The following CNTNAP5 variants were observed in gnomAD, a reference collection of about 807,000 sequenced individuals.
CNTNAP5 encodes contactin associated protein family member 5, also known as contactin-associated protein-like 5.
CNTNAP5 carries 72 observed loss-of-function variants against 150.2 expected under a neutral mutation model. The ratio of observed to expected loss-of-function variants is 0.48; its 90% CI spans 0.40 to 0.58. The LOEUF (loss-of-function observed/expected upper bound fraction) is 0.58, where lower values mean the gene tolerates loss of function less well. Ranked by LOEUF, CNTNAP5 falls within the 20% of genes least tolerant of loss-of-function variation. The pLI, the probability that CNTNAP5 is intolerant of heterozygous loss-of-function variation, is 0.00. For missense variants in CNTNAP5, 1,636 were observed against 1,626.2 expected, an observed-to-expected ratio of 1.01 and a Z score of -0.10; for synonymous variants, 672 against 619.8, an observed-to-expected ratio of 1.08 and a Z score of -1.25.
At chr2:124,668,874 G>T (rs981654453) in intron 13 of CNTNAP5, among the ~76,000 whole-genome samples, 1 of 152,134 alleles carries the variant, frequency 6.6e-6, no homozygotes, top group Non-Finnish European at 1.5e-5. Flanking sequence ...GGAAGGTTAG[G>T]AAGTGCTAGG....
At chr2:124,286,354 A>G (rs1688149061) in intron 3 of CNTNAP5, among the ~76,000 whole-genome samples, 1 of 152,182 alleles carries the variant, frequency 6.6e-6, no homozygotes, top group African/African-American at 2.4e-5. Context: ...ACTTCTTTAC[A>G]GTTACATTCC....
chr2:124,680,321 C>A (rs965729442), intron 13 of CNTNAP5, among the ~76,000 whole-genome samples: 1 of 151,898 alleles, frequency 6.6e-6, no homozygotes, highest in African/African-American at 2.4e-5. Flanking sequence ...GCAACCACTT[C>A]TCAAAACAGT....
chr2:124,038,808 C>T lies in CNTNAP5; in HGVS notation c.82+13076C>T, dbSNP rs79859994. On this transcript the variant is annotated intron_variant, in intron 1 of 23. Coordinates refer to ENST00000682447, the MANE Select transcript of CNTNAP5 (RefSeq NM_001367498.1). ...TTAATTGCAGGAATCTCTAAGCCTACAATTTCACGCAAAAGCAACTAGGTA... is the reference window on the plus strand; with the variant it reads ...TTAATTGCAGGAATCTCTAAGCCTATAATTTCACGCAAAAGCAACTAGGTA... 5.4e-4 allele frequency among the ~76,000 whole-genome samples: 82 copies of T among 152,294 alleles called. 1 individual carries two copies. In the East Asian group the frequency reaches 0.01, roughly 19 times the overall value.
At position 124,718,967 on chromosome 2, in the gene CNTNAP5, A is replaced by G. The variant is rs544937546; in HGVS notation, c.2078-28262A>G. On this transcript the variant is annotated intron_variant, in intron 13 of 23. Transcript: ENST00000682447. ...CTAAAAAAAAAAAAAAGAACGGGAA[A>G]TAAGACCAGTGCCTAAGTGAATGCC... is the stretch of plus-strand genomic sequence containing the variant. Among the ~76,000 whole-genome samples the G allele has an allele frequency of 2.6e-5, 4 of 152,028 alleles. No homozygotes were observed. In the South Asian group the frequency reaches 8.3e-4, roughly 32 times the overall value.
At chr2:124,356,654 G>A (rs1437535029) in intron 3 of CNTNAP5, among the ~76,000 whole-genome samples, 1 of 151,984 alleles carries the variant, frequency 6.6e-6, no homozygotes, top group East Asian at 1.9e-4. Flanking sequence ...TTTTATGGCT[G>A]CATAGTATTC....
chr2:124,285,145 T>G (rs1018683564), intron 3 of CNTNAP5, among the ~76,000 whole-genome samples: 8 of 152,190 alleles, frequency 5.3e-5, no homozygotes, highest in African/African-American at 1.7e-4. Context: ...TTGAGTAGCT[T>G]TAGTTTGTAA....
chr2:124,453,731 A>T (rs2104813319), intron 6 of CNTNAP5, among the ~76,000 whole-genome samples: 1 of 152,290 alleles, frequency 6.6e-6, no homozygotes, highest in Admixed American at 6.5e-5. Flanking sequence ...CTTATCTTCA[A>T]CTTCCACAAA....
chr2:124,559,800 T>C (rs1695845275), intron 10 of CNTNAP5, among the ~76,000 whole-genome samples: 1 of 152,172 alleles, frequency 6.6e-6, no homozygotes, highest in Non-Finnish European at 1.5e-5. Context: ...AGAAAATTGG[T>C]GTCATGTGTC....
At chr2:124,552,655 T>TTG (rs1394868338) in intron 10 of CNTNAP5, among the ~76,000 whole-genome samples, 1 of 152,150 alleles carries the variant, frequency 6.6e-6, no homozygotes, top group Non-Finnish European at 1.5e-5. Context: ...ATCTATAAAT[T>TTG]TGTGTGTGTA....
intron 12 of CNTNAP5, among the ~76,000 whole-genome samples, chr2:124,631,015 A>G (rs1677846809): frequency 6.6e-6 from 1 of 152,156 alleles, no homozygotes. Context: ...TACAGCTAAC[A>G]GGAGAAGTGA....
intron 12 of CNTNAP5, among the ~76,000 whole-genome samples, chr2:124,616,489 G>C (rs1241247098): frequency 2.0e-5 from 3 of 152,186 alleles, no homozygotes; most frequent in African/African-American, 4.8e-5. Flanking sequence ...TGCCTGGCTT[G>C]ATCTTCTATT....
intron 19 of CNTNAP5, among the ~76,000 whole-genome samples, chr2:124,801,966 C>T (rs973150417): frequency 6.6e-6 from 1 of 152,090 alleles, no homozygotes; most frequent in African/African-American, 2.4e-5. Context: ...TTGATTCAAA[C>T]CTCCCTGAGA....
chr2:124,601,396 A>G (rs1259282410), intron 11 of CNTNAP5, among the ~76,000 whole-genome samples: 1 of 152,204 alleles, frequency 6.6e-6, no homozygotes, highest in Non-Finnish European at 1.5e-5. Flanking sequence ...AAGTCCTTGG[A>G]AGGCAAACCA....
At chr2:124,213,467 C>A (rs1686073229) in intron 1 of CNTNAP5, among the ~76,000 whole-genome samples, 1 of 152,156 alleles carries the variant, frequency 6.6e-6, no homozygotes, top group African/African-American at 2.4e-5. Flanking sequence ...GTCTTTCATC[C>A]TTTCACTCAA....
chr2:124,633,043 T>G (rs979541347), intron 12 of CNTNAP5, among the ~76,000 whole-genome samples: 3 of 152,050 alleles, frequency 2.0e-5, no homozygotes, highest in Non-Finnish European at 4.4e-5. Flanking sequence ...AGACCCCACT[T>G]CCAACATTGG....
At chr2:124,368,290 A>G (rs1357496704) in intron 3 of CNTNAP5, among the ~76,000 whole-genome samples, 1 of 152,206 alleles carries the variant, frequency 6.6e-6, no homozygotes, top group East Asian at 1.9e-4. Context: ...CTATGCTGAA[A>G]TGCCATTTCC....
At position 124,913,612 on chromosome 2, in the gene CNTNAP5, G is replaced by A. The variant is rs185010622; in HGVS notation, c.3728-480G>A. ...ATGAAAATGTTTTAGCAAAACAAAC[G>A]TAACATAAAACAAATTTACATCAGG... On this transcript the variant is annotated intron_variant, in intron 23 of 23. Coordinates refer to ENST00000682447, the MANE Select transcript of CNTNAP5 (RefSeq NM_001367498.1). Among the ~76,000 whole-genome samples the A allele has an allele frequency of 5.9e-4, 90 of 152,124 alleles. No individual in the cohort carries two copies. The Middle Eastern group carries it at 0.024, about 40-fold the overall frequency.
intron 1 of CNTNAP5, among the ~76,000 whole-genome samples, chr2:124,104,709 T>C (rs1683137550): frequency 6.6e-6 from 1 of 152,060 alleles, no homozygotes; most frequent in Non-Finnish European, 1.5e-5. Context: ...TTACCATGAG[T>C]GGACTCTGAT....
intron 20 of CNTNAP5, among the ~76,000 whole-genome samples, chr2:124,869,447 G>A (rs1677698810): frequency 6.6e-6 from 1 of 152,106 alleles, no homozygotes; most frequent in South Asian, 2.1e-4. Context: ...AGTTTCCCAG[G>A]GAGAAGACTT....
Sources: gnomAD v4.1 joint callset for allele counts (sites outside exome capture counted in the v4.1 genomes callset) on GRCh38, gnomAD v4.1.1 for gene constraint, MANE v1.5 for transcripts, NCBI Gene and HGNC (gene_info 2026-07-23, HGNC 2026-07-21) for gene names.